The following GLT1D1 variants were observed in gnomAD, a reference collection of about 807,000 sequenced individuals.
GLT1D1 encodes glycosyltransferase 1 domain containing 1, also known as glycosyltransferase 1 domain-containing protein 1.
GLT1D1 carries 21 observed loss-of-function variants against 28.7 expected under a neutral mutation model. The observed-to-expected ratio is 0.73, with a 90% CI of 0.52 to 1.05. The LOEUF (loss-of-function observed/expected upper bound fraction) is 1.05, where lower values mean the gene tolerates loss of function less well. GLT1D1 is among the 50% of genes least tolerant of loss of function. The pLI is 0.00. For synonymous variants in GLT1D1, 147 were observed against 124.8 expected (o/e 1.18, Z -1.19); for missense variants, 343 against 330.6 (o/e 1.04, Z -0.29).
At chr12:128,914,422 G>C (rs1871876128) in intron 4 of GLT1D1, among the ~76,000 whole-genome samples, 1 of 152,062 alleles carries the variant, frequency 6.6e-6, no homozygotes, top group Non-Finnish European at 1.5e-5. Context: ...GGAATCCATG[G>C]GCTCTTTTTA....
At chr12:128,949,843 C>A (rs191210377) in intron 6 of GLT1D1, among the ~76,000 whole-genome samples, 1 of 151,898 alleles carries the variant, frequency 6.6e-6, no homozygotes, top group Non-Finnish European at 1.5e-5. Flanking sequence ...CACATGCACA[C>A]GCACGTACAC....
At chr12:128,879,602 G>T (rs568575180) in intron 2 of GLT1D1, among the ~76,000 whole-genome samples, 14 of 151,752 alleles carry the variant, frequency 9.2e-5, no homozygotes, top group African/African-American at 3.4e-4. Context: ...ATTAACAGGT[G>T]TGCACCACCA....
chr12:128,930,242 A>C (rs370272803), intron 4 of GLT1D1: 10 of 152,338 alleles, frequency 6.6e-5, no homozygotes, highest in Admixed American at 3.3e-4. Flanking sequence ...AGAACATTGA[A>C]AGAAAAACTT....
At chr12:128,883,418 C>T (rs1257158505) in intron 2 of GLT1D1, among the ~76,000 whole-genome samples, 5 of 150,420 alleles carry the variant, frequency 3.3e-5, no homozygotes, top group Non-Finnish European at 7.4e-5. Flanking sequence ...GGTGAAACCC[C>T]GTCTCTACTA....
chr12:128,922,849 A>G (rs1422978997), intron 4 of GLT1D1, among the ~76,000 whole-genome samples: 3 of 148,210 alleles, frequency 2.0e-5, no homozygotes, highest in Non-Finnish European at 4.4e-5. Context: ...CTTGAACCCA[A>G]GAGGCAGAGG....
Position 128,853,643 on chromosome 12 carries a change from G to T in GLT1D1, c.62G>T (p.Arg21Leu). The T allele has an allele frequency of 1.7e-6, 2 of 1,166,098 alleles. No individual in the cohort carries two copies. Among genetic ancestry groups the T allele is most frequent in the Middle Eastern group, 3.5e-4 (1 of 2,844 alleles). The allele number at this position is 1,166,098 out of a possible 1,614,324, so 72.2% of individuals were successfully genotyped here. Residue 21 changes from arginine to leucine, a missense_variant, in exon 1 of 8, where the codon CGC (arginine) becomes CTC (leucine). By Grantham distance (102) the Arg-to-Leu change is moderately radical. Transcript: ENST00000281703. ...ACCGGCAACGCGGTCACGGCCCAGC[G>T]CGTTCGGTAGGTGCAGGGCGCCGGG...
intron 7 of GLT1D1, among the ~76,000 whole-genome samples, chr12:128,958,162 C>A (rs981176845): frequency 2.6e-5 from 4 of 152,182 alleles, no homozygotes; most frequent in Non-Finnish European, 5.9e-5. Flanking sequence ...TGTGCCATCA[C>A]CTCCCAGGAG....
intron 4 of GLT1D1, among the ~76,000 whole-genome samples, chr12:128,941,146 G>A (rs538583617): frequency 1.3e-5 from 2 of 152,272 alleles, no homozygotes; most frequent in South Asian, 4.1e-4. Flanking sequence ...CCTTGTTGCT[G>A]CCTAAGTTGG....
intron 2 of GLT1D1, among the ~76,000 whole-genome samples, chr12:128,883,074 G>A (rs1348302886): frequency 6.6e-6 from 1 of 151,232 alleles, no homozygotes; most frequent in South Asian, 2.1e-4. Context: ...TTACGAGCAC[G>A]CGCCACCACG....
At chr12:128,959,576 T>G (rs1393931407) in intron 7 of GLT1D1, among the ~76,000 whole-genome samples, 1 of 151,688 alleles carries the variant, frequency 6.6e-6, no homozygotes, top group Admixed American at 6.6e-5. Flanking sequence ...CGGAGGGAAA[T>G]AGCAAAGGTG....
chr12:128,965,872 A>T (rs1019162472), intron 7 of GLT1D1, among the ~76,000 whole-genome samples: 4 of 152,168 alleles, frequency 2.6e-5, no homozygotes, highest in African/African-American at 9.7e-5. Flanking sequence ...TCCACCCTGG[A>T]TAACAGCAAG....
intron 1 of GLT1D1, among the ~76,000 whole-genome samples, chr12:128,869,378 C>T (rs923057023): frequency 8.6e-5 from 13 of 151,892 alleles, no homozygotes; most frequent in Admixed American, 2.6e-4. Flanking sequence ...CCATGTTGCC[C>T]GGGCTGGTCT....
chr12:128,862,057 G>C (rs1040882225), intron 1 of GLT1D1, among the ~76,000 whole-genome samples: 1 of 152,128 alleles, frequency 6.6e-6, no homozygotes, highest in Non-Finnish European at 1.5e-5. Flanking sequence ...GGCCAGCCGC[G>C]GTGGCTCACG....
rs143723527 is a variant in GLT1D1 at position 128,924,549 on chromosome 12, C to T, written c.376-20777C>T. Among the ~76,000 whole-genome samples the T allele has an allele frequency of 8.6e-3, 1,311 of 151,912 alleles. 15 individuals are homozygous for T. Among genetic ancestry groups the T allele is most frequent in the African/African-American group, 0.03 (1,244 of 41,476 alleles). On this transcript the variant is annotated intron_variant, in intron 4 of 7. Transcript: ENST00000281703. ...TTGGCTCACTGCAACCTCCGCCTCC[C>T]GGGTTCAAGTGATTCTCCTGCCTCA...
intron 2 of GLT1D1, among the ~76,000 whole-genome samples, chr12:128,884,480 G>A (rs373474285): frequency 6.6e-6 from 1 of 151,978 alleles, no homozygotes; most frequent in African/African-American, 2.4e-5. Flanking sequence ...TGTACAGCAT[G>A]GTGACTGTAG....
chr12:128,928,014 A>AAAC (rs1873441708), intron 4 of GLT1D1, among the ~76,000 whole-genome samples: 2 of 144,844 alleles, frequency 1.4e-5, no homozygotes, highest in Non-Finnish European at 3.1e-5. Flanking sequence ...AAAAAAAAAA[A>AAAC]AAAAAAAAAA....
At chr12:128,909,656 T>C (rs1158574912) in intron 4 of GLT1D1, among the ~76,000 whole-genome samples, 1 of 152,228 alleles carries the variant, frequency 6.6e-6, no homozygotes, top group Non-Finnish European at 1.5e-5. Context: ...AGAAGGTGAA[T>C]CTCTGGCTTA....
chr12:128,902,674 A>C (rs901734979), intron 4 of GLT1D1, among the ~76,000 whole-genome samples: 1 of 151,568 alleles, frequency 6.6e-6, no homozygotes, highest in Non-Finnish European at 1.5e-5. Context: ...ATAGACCTCA[A>C]CCAAAACAAC....
At chr12:128,874,194 C>CTT (rs1956816930) in intron 1 of GLT1D1, among the ~76,000 whole-genome samples, 43 of 139,398 alleles carry the variant, frequency 3.1e-4, no homozygotes, top group African/African-American at 1.2e-3. Context: ...CTTTCTTTCT[C>CTT]TCTTTCTCTC....
Sources: gnomAD v4.1 joint callset for allele counts (sites outside exome capture counted in the v4.1 genomes callset) on GRCh38, gnomAD v4.1.1 for gene constraint, MANE v1.5 for transcripts, NCBI Gene and HGNC (gene_info 2026-07-23, HGNC 2026-07-21) for gene names.